Variants in IGSF11 observed in about 807,000 individuals in gnomAD.
IGSF11 encodes immunoglobulin superfamily member 11, also known as CXADR like 1.
In IGSF11, 22 loss-of-function variants were observed where a neutral mutation model predicts 41.0. The observed-to-expected ratio is 0.54, with a 90% CI of 0.38 to 0.77. IGSF11 has a LOEUF of 0.77. IGSF11 is among the 30% of genes least tolerant of loss of function. The probability of loss-of-function intolerance (pLI) is 0.00; values close to 1 mark genes in which losing one functional copy is unlikely to be tolerated. For missense variants in IGSF11, 444 were observed against 530.8 expected, an observed-to-expected ratio of 0.84 and a Z score of 1.61; for synonymous variants, 219 against 201.3, an observed-to-expected ratio of 1.09 and a Z score of -0.74.
chr3:119,106,794 G>T (rs1325755999), upstream of IGSF11, among the ~76,000 whole-genome samples: 1 of 150,946 alleles, frequency 6.6e-6, no homozygotes, highest in Non-Finnish European at 1.5e-5. Context: ...GTGTCCATGT[G>T]TTCTCATTGT....
intron 1 of IGSF11, among the ~76,000 whole-genome samples, chr3:118,943,559 G>GGC (rs1224101838): frequency 6.6e-6 from 1 of 152,074 alleles, no homozygotes; most frequent in Non-Finnish European, 1.5e-5. Context: ...CCATGTGACT[G>GGC]GCCTTTTTCA....
intron 1 of IGSF11, among the ~76,000 whole-genome samples, chr3:118,995,099 C>T (rs755691296): frequency 5.3e-5 from 8 of 152,128 alleles, no homozygotes; most frequent in Non-Finnish European, 1.2e-4. Flanking sequence ...AAACCTTCTC[C>T]TAAGGCAACA....
chr3:119,096,415 T>C (rs1234612993), intron 1 of IGSF11, among the ~76,000 whole-genome samples: 2 of 151,948 alleles, frequency 1.3e-5, no homozygotes, highest in Non-Finnish European at 2.9e-5. Context: ...TATACATATA[T>C]ATGGTTATAA....
intron 4 of IGSF11, among the ~76,000 whole-genome samples, chr3:118,917,367 T>C (rs1488590314): frequency 6.7e-6 from 1 of 149,272 alleles, no homozygotes; most frequent in Non-Finnish European, 1.5e-5. Flanking sequence ...CTAGCAAGAC[T>C]AATAAAGAAA....
chr3:118,914,425 G>A (rs570243943), intron 4 of IGSF11, among the ~76,000 whole-genome samples: 1,707 of 151,586 alleles, frequency 0.011, 21 homozygotes, highest in African/African-American at 0.039. Context: ...GAAGCAGGGC[G>A]AGGCATTGCC....
chr3:118,920,242 CT>C (rs1334505361), intron 4 of IGSF11, among the ~76,000 whole-genome samples: 1 of 141,350 alleles, frequency 7.1e-6, no homozygotes, highest in East Asian at 2.2e-4. Flanking sequence ...CACATGTACC[CT>C]AAAACTTAAA....
In IGSF11 at chr3:118,930,320, A is replaced by G. The variant is rs761146763; in HGVS notation, c.53-45T>C. On this transcript the variant is annotated intron_variant, in intron 1 of 6. Transcript: ENST00000393775. ...GAGGTTATATGCTCGCCCTTTCCCAACAGTCCAAACTCCTTCAGGAAGGTT... is the reference window on the plus strand; with the variant it reads ...GAGGTTATATGCTCGCCCTTTCCCAGCAGTCCAAACTCCTTCAGGAAGGTT... The G allele has an allele frequency of 4.6e-5, 72 of 1,560,484 alleles. No individual in the cohort carries two copies. The Middle Eastern group carries it at 7.5e-4, about 16-fold the overall frequency.
chr3:119,065,047 G>GT (rs1476242334), intron 1 of IGSF11, among the ~76,000 whole-genome samples: 12 of 152,092 alleles, frequency 7.9e-5, no homozygotes, highest in African/African-American at 2.9e-4. Flanking sequence ...TATATTTAAT[G>GT]TAAGTGTTGG....
chr3:119,019,622 G>A (rs1195762428), intron 1 of IGSF11, among the ~76,000 whole-genome samples: 2 of 152,040 alleles, frequency 1.3e-5, no homozygotes, highest in South Asian at 4.2e-4. Flanking sequence ...GAAGGAAAGA[G>A]TTGCCCCTAT....
chr3:119,110,106 C>G (rs186355658), upstream of IGSF11, among the ~76,000 whole-genome samples: 452 of 152,188 alleles, frequency 3.0e-3, 3 homozygotes, highest in African/African-American at 9.7e-3. Flanking sequence ...TCTATTAGGT[C>G]CGCTTGGTGC....
At chr3:119,130,736 G>T (rs1427728344) in intron 1 of IGSF11, among the ~76,000 whole-genome samples, 1 of 152,144 alleles carries the variant, frequency 6.6e-6, no homozygotes, top group African/African-American at 2.4e-5. Flanking sequence ...CCTGAAGTGG[G>T]TCCCTGACCC....
intron 1 of IGSF11, among the ~76,000 whole-genome samples, chr3:118,959,592 A>G (rs1559961986): frequency 6.6e-6 from 1 of 152,220 alleles, no homozygotes; most frequent in African/African-American, 2.4e-5. Context: ...ACAGAAAGAG[A>G]GCAACTACTA....
intron 1 of IGSF11, among the ~76,000 whole-genome samples, chr3:119,017,665 T>C (rs778197548): frequency 7.9e-5 from 12 of 152,156 alleles, no homozygotes; most frequent in Non-Finnish European, 1.5e-4. Context: ...AAAAATTAAT[T>C]ATATGATGCA....
At chr3:119,052,138 C>A (rs138598395) in intron 1 of IGSF11, among the ~76,000 whole-genome samples, 3,013 of 152,004 alleles carry the variant, frequency 0.02, 96 homozygotes, top group African/African-American at 0.069. Context: ...CAGAGCAGAA[C>A]TAAATGAAAT....
intron 1 of IGSF11, among the ~76,000 whole-genome samples, chr3:119,111,744 G>C (rs1300660923): frequency 6.6e-6 from 1 of 152,198 alleles, no homozygotes; most frequent in Non-Finnish European, 1.5e-5. Flanking sequence ...GGTCTTTGAT[G>C]ATGGTGATGT....
At chr3:119,123,730 G>A (rs145236991) in intron 1 of IGSF11, among the ~76,000 whole-genome samples, 1 of 152,312 alleles carries the variant, frequency 6.6e-6, no homozygotes, top group African/African-American at 2.4e-5. Context: ...GTAATCCAGA[G>A]AATCCATCTG....
intron 1 of IGSF11, among the ~76,000 whole-genome samples, chr3:118,959,220 C>T (rs906759499): frequency 1.3e-5 from 2 of 152,146 alleles, no homozygotes; most frequent in African/African-American, 4.8e-5. Context: ...ATGCTCCCTG[C>T]CACGAATTGT....
chr3:119,050,644 G>T (rs1308999671), intron 1 of IGSF11, among the ~76,000 whole-genome samples: 1 of 152,036 alleles, frequency 6.6e-6, no homozygotes. Context: ...TCCCATTACT[G>T]GGTATATACC....
chr3:118,994,060 G>A (rs1303469899), intron 1 of IGSF11, among the ~76,000 whole-genome samples: 4 of 152,174 alleles, frequency 2.6e-5, no homozygotes, highest in African/African-American at 9.7e-5. Flanking sequence ...GTGCCAAACT[G>A]CAAACCTTTT....
Sources: gnomAD v4.1 joint callset for allele counts (sites outside exome capture counted in the v4.1 genomes callset) on GRCh38, gnomAD v4.1.1 for gene constraint, MANE v1.5 for transcripts, NCBI Gene and HGNC (gene_info 2026-07-23, HGNC 2026-07-21) for gene names.